Variants in PTPRD observed in about 807,000 individuals in gnomAD.
PTPRD encodes the protein receptor-type tyrosine-protein phosphatase delta.
PTPRD carries 34 observed loss-of-function variants against 214.5 expected under a neutral mutation model. The ratio of observed to expected loss-of-function variants is 0.16; its 90% CI spans 0.12 to 0.21. The LOEUF (loss-of-function observed/expected upper bound fraction) is 0.21, where lower values mean the gene tolerates loss of function less well. PTPRD is among the 10% of genes least tolerant of loss of function. The pLI, the probability that PTPRD is intolerant of heterozygous loss-of-function variation, is 1.00. For missense variants in PTPRD, 2,545 were observed against 2,398.7 expected (o/e 1.06, Z -1.27); for synonymous variants, 1,128 against 845.7 (o/e 1.33, Z -5.79).
rs141237914 is a variant in PTPRD, at chr9:9,961,791, A to C, written c.-471-23181T>G. On this transcript the variant is annotated intron_variant, in intron 4 of 45. Coordinates refer to ENST00000381196, the MANE Select transcript of PTPRD (RefSeq NM_002839.4). ...GATCAATTATAAAAATGTAACTACA[A>C]TAAAATCTAGAAGTCACAGTCCATT... Among the ~76,000 whole-genome samples the C allele has an allele frequency of 3.7e-3, 569 of 152,266 alleles. 5 individuals are homozygous for C. Among genetic ancestry groups the C allele is most frequent in the African/African-American group, 0.013 (524 of 41,558 alleles).
chr9:8,571,585 T>C (rs1280212047), intron 14 of PTPRD, among the ~76,000 whole-genome samples: 1 of 152,156 alleles, frequency 6.6e-6, no homozygotes, highest in East Asian at 1.9e-4. Context: ...AGAAAAGCAA[T>C]ATTACTATTT....
At position 8,475,693 on chromosome 9, in the gene PTPRD, A is replaced by T. The variant is rs144780070; in HGVS notation, c.3414-4608T>A. Among the ~76,000 whole-genome samples, 31 of 152,338 alleles carry T rather than the reference A, an allele frequency of 2.0e-4. No individual in the cohort carries two copies. In the East Asian group the frequency reaches 5.8e-3, roughly 29 times the overall value. ...TACAATCCATTTCAGTGCACAAGCC[A>T]GAAACCTAGGTGTTATCATTGACAA... On this transcript the variant is annotated intron_variant, in intron 30 of 45. Transcript: ENST00000381196.
rs955713259 is a variant in PTPRD, at chr9:9,038,649, G to C, written c.-142-19914C>G. Among the ~76,000 whole-genome samples the C allele has an allele frequency of 2.0e-5, 3 of 150,750 alleles. No homozygotes were observed. The East Asian group carries it at 5.9e-4, about 30-fold the overall frequency. ...TGGCTCACTGAAACCTCCGCCTCTG[G>C]GTTCAAGTGCTTCTCCTGACTCAAC... On this transcript the variant is annotated intron_variant, in intron 10 of 45. Transcript: ENST00000381196.
At chr9:9,253,957 T>C (rs1258217813) in intron 9 of PTPRD, among the ~76,000 whole-genome samples, 1 of 152,138 alleles carries the variant, frequency 6.6e-6, no homozygotes, top group Non-Finnish European at 1.5e-5. Context: ...GCTTGGTTTC[T>C]GGCCACATCA....
chr9:8,829,332 T>C (rs922561014), intron 11 of PTPRD, among the ~76,000 whole-genome samples: 2 of 152,166 alleles, frequency 1.3e-5, no homozygotes, highest in African/African-American at 4.8e-5. Context: ...TGTCATGATT[T>C]TTGTCACTAT....
intron 2 of PTPRD, among the ~76,000 whole-genome samples, chr9:10,605,691 C>T (rs1397417593): frequency 1.3e-5 from 2 of 151,644 alleles, no homozygotes; most frequent in South Asian, 2.1e-4. Context: ...GGGAGAAATG[C>T]CTTAGGGAAG....
intron 10 of PTPRD, among the ~76,000 whole-genome samples, chr9:9,088,038 T>G (rs1412921156): frequency 6.6e-6 from 1 of 151,432 alleles, no homozygotes; most frequent in African/African-American, 2.4e-5. Flanking sequence ...TGCACCACCA[T>G]GCCTGGCTGA....
chr9:8,597,422 T>C (rs1029231722), intron 14 of PTPRD, among the ~76,000 whole-genome samples: 1 of 152,122 alleles, frequency 6.6e-6, no homozygotes, highest in Non-Finnish European at 1.5e-5. Context: ...AAATTATTCA[T>C]ATACCTGTTA....
intron 14 of PTPRD, among the ~76,000 whole-genome samples, chr9:8,565,945 T>C (rs1205508220): frequency 1.3e-5 from 2 of 152,090 alleles, no homozygotes; most frequent in Non-Finnish European, 2.9e-5. Context: ...TTTTATGAGA[T>C]TTCAGGTACC....
chr9:10,024,414 G>C (rs2096881485), intron 4 of PTPRD, among the ~76,000 whole-genome samples: 1 of 152,020 alleles, frequency 6.6e-6, no homozygotes, highest in South Asian at 2.1e-4. Flanking sequence ...TATTATATAA[G>C]TCTTTTGTGA....
rs182097043 is a variant in PTPRD at position 9,188,886 on chromosome 9, C to T, written c.-202-5523G>A. 2.9e-3 allele frequency among the ~76,000 whole-genome samples: 432 copies of T among 150,982 alleles called. 1 individual carries two copies. The highest frequency in any genetic ancestry group is 6.3e-3 in the Admixed American group (95 of 15,108). On this transcript the variant is annotated intron_variant, in intron 9 of 45. Transcript: ENST00000381196. ...TGGAATCTTTTTACAAGCAAATAAA[C>T]AAAACCAACACATAAAGTGGAAAGA...
chr9:9,501,187 T>A (rs535849985), intron 8 of PTPRD, among the ~76,000 whole-genome samples: 1 of 152,122 alleles, frequency 6.6e-6, no homozygotes, highest in Non-Finnish European at 1.5e-5. Context: ...ATGGATTAAA[T>A]ATTCCTATTA....
At chr9:10,094,538 TC>T (rs2098464100) in intron 3 of PTPRD, among the ~76,000 whole-genome samples, 2 of 97,146 alleles carry the variant, frequency 2.1e-5, no homozygotes, top group Non-Finnish European at 3.6e-5. Context: ...TTTCTTTCTT[TC>T]TTTTTTTTTT....
chr9:9,149,886 G>C (rs1282785247), intron 10 of PTPRD, among the ~76,000 whole-genome samples: 1 of 152,168 alleles, frequency 6.6e-6, no homozygotes, highest in Non-Finnish European at 1.5e-5. Context: ...GCATGTATGA[G>C]ATAGTCTTTC....
chr9:10,549,530 G>T (rs969884011), intron 2 of PTPRD, among the ~76,000 whole-genome samples: 1 of 152,128 alleles, frequency 6.6e-6, no homozygotes, highest in African/African-American at 2.4e-5. Flanking sequence ...GTGCAACTTG[G>T]AGTATGTACG....
intron 12 of PTPRD, among the ~76,000 whole-genome samples, chr9:8,690,201 C>A (rs573721710): frequency 6.6e-6 from 1 of 151,686 alleles, no homozygotes; most frequent in Non-Finnish European, 1.5e-5. Context: ...TATTTTTTCA[C>A]ATATATGACT....
chr9:8,455,314 C>G (rs1262551872), intron 33 of PTPRD, among the ~76,000 whole-genome samples: 1 of 152,180 alleles, frequency 6.6e-6, no homozygotes, highest in African/African-American at 2.4e-5. Flanking sequence ...ATTGACAGAA[C>G]ATGTATTTTC....
rs548143874 is a variant in PTPRD, at chr9:9,849,720, GA to G, written c.-367-82870del. 4.4e-3 allele frequency among the ~76,000 whole-genome samples: 669 copies of G among 152,166 alleles called. 4 individuals carry two copies. The highest frequency in any genetic ancestry group is 0.015 in the African/African-American group (634 of 41,530). On this transcript the variant is annotated intron_variant, in intron 5 of 45. Transcript: ENST00000381196. Reference sequence around the variant, plus strand: ...CAGTCCCCACTGAATCAGTGCTAAGGAAATACTAGCTGTGTGCTAATTTGAG... The same window carrying G: ...CAGTCCCCACTGAATCAGTGCTAAGGAATACTAGCTGTGTGCTAATTTGAG...
chr9:8,341,670 C>A, intron 40 of PTPRD, 23 bp downstream of exon 40: 1 of 1,607,804 alleles, frequency 6.2e-7, no homozygotes, highest in Non-Finnish European at 8.5e-7. Context: ...TCCTGAATAA[C>A]CACATCACAT....
Sources: gnomAD v4.1 joint callset for allele counts (sites outside exome capture counted in the v4.1 genomes callset) on GRCh38, gnomAD v4.1.1 for gene constraint, MANE v1.5 for transcripts, NCBI Gene and HGNC (gene_info 2026-07-23, HGNC 2026-07-21) for gene names.